Variants in GOLGA3 observed in about 807,000 individuals in gnomAD.
GOLGA3 encodes the protein golgin subfamily A member 3.
GOLGA3 carries 75 observed loss-of-function variants against 169.4 expected under a neutral mutation model. The observed-to-expected ratio is 0.44, with a 90% CI of 0.37 to 0.54. The LOEUF (loss-of-function observed/expected upper bound fraction) is 0.54. GOLGA3 is among the 20% of genes least tolerant of loss of function. The probability of loss-of-function intolerance (pLI) is 0.00; values close to 1 mark genes in which losing one functional copy is unlikely to be tolerated. For synonymous variants in GOLGA3, 824 were observed against 822.4 expected (o/e 1.00, Z -0.03); for missense variants, 1,899 against 1,930.0 (o/e 0.98, Z 0.30).
intron 18 of GOLGA3, among the ~76,000 whole-genome samples, chr12:132,779,995 C>T (rs1395626632): frequency 7.2e-6 from 1 of 138,118 alleles, no homozygotes; most frequent in Admixed American, 7.3e-5. Context: ...TGCACACACA[C>T]CCCAGGCACA....
chr12:132,811,476 A>ATTT (rs202026810), intron 4 of GOLGA3, among the ~76,000 whole-genome samples: 6 of 151,074 alleles, frequency 4.0e-5, no homozygotes, highest in Admixed American at 6.6e-5. Context: ...TCATACTTGC[A>ATTT]TTTTTATTTT....
In GOLGA3 at chr12:132,786,693, T is replaced by A. The variant is rs781496465; in HGVS notation, c.2906A>T (p.Lys969Met). The change falls in exon 14 of 24, where the codon AAG (lysine) becomes ATG (methionine). Residue 969 changes from lysine (K) to methionine (M), a missense_variant and splice_region_variant. Lys to Met is a moderately conservative substitution (Grantham distance 95). Transcript: ENST00000450791. ...CTCCCCCGGGCACATGCAGACTTAC[T>A]TCCGGGCCTCTTGCTGCAACTCTTC... is the stretch of plus-strand genomic sequence containing the variant. The part of the protein sequence containing the change: ...QIEELQQEAR[K>M]AITEQKQKMR... The A allele has an allele frequency of 3.3e-6, 5 of 1,536,686 alleles. No individual in the cohort carries two copies. In the African/African-American group the frequency reaches 7.5e-5, roughly 23 times the overall value.
rs750778392 is a variant in GOLGA3 at position 132,808,070 on chromosome 12, C to T, written c.999G>A (p.Ser333=). The change falls in exon 5 of 24, where the codon TCG becomes TCA. Residue 333 remains serine, a synonymous_variant. Coordinates refer to ENST00000450791, the MANE Select transcript of GOLGA3 (RefSeq NM_001389683.1). The stretch of plus-strand genomic sequence containing the variant: ...GGGTGTCCTGCGTGCCCACTGTCTT[C>T]GACAGAATGCCATAGGTCCCTCGGG... ...ASTRGTYGIL[S]KTVGTQDTPY... 5.0e-6 allele frequency: 8 copies of T among 1,597,596 alleles called. No individual in the cohort carries two copies. The highest frequency in any genetic ancestry group is 6.0e-6 in the Non-Finnish European group (7 of 1,170,618).
Position 132,804,939 on chromosome 12 carries a change from G to T in GOLGA3, c.1374C>A (p.Ser458Arg). Residue 458 changes from serine to arginine, a missense_variant, in exon 7 of 24, where the codon AGC becomes AGA. Coordinates refer to ENST00000450791, the MANE Select transcript of GOLGA3 (RefSeq NM_001389683.1). The surrounding 1 kb of genome is among the most constrained non-coding windows in gnomAD (Gnocchi z 4.1). ...TCAGCGAATCCTGCCGCTGCTGGCT[G>T]CTGTGGCTGCACTCCACCTGCGCCT... ...KLQAQVECSH[S>R]SQQRQDSLSS... The T allele has an allele frequency of 6.2e-7, 1 of 1,613,510 alleles. No individual in the cohort carries two copies. Among genetic ancestry groups the T allele is most frequent in the Non-Finnish European group, 8.5e-7 (1 of 1,179,976 alleles).
chr12:132,798,559 G>C (rs1948983992), intron 8 of GOLGA3, 82 bp from the exon 9 acceptor site: 2 of 1,325,446 alleles, frequency 1.5e-6, no homozygotes, highest in Non-Finnish European at 2.1e-6. Context: ...GAGGCCCCAG[G>C]GTGAGGGTCA....
rs926123803 is a variant in GOLGA3, at chr12:132,772,982, C to A, written c.*123G>T. ...TCTCATTCTGCTATATATTTTACTTCTTGTTAAAGGCAAAACAAAACTTAA... is the reference window on the plus strand; with the variant it reads ...TCTCATTCTGCTATATATTTTACTTATTGTTAAAGGCAAAACAAAACTTAA... On this transcript the variant is annotated 3_prime_UTR_variant, in exon 24 of 24. Transcript: ENST00000450791. 1.4e-6 allele frequency: 1 copy of A among 703,014 alleles called. No homozygotes were observed. The highest frequency in any genetic ancestry group is 2.6e-4 in the Middle Eastern group (1 of 3,888). The allele number at this position is 703,014 out of a possible 1,614,324, so 43.5% of individuals were successfully genotyped here. A position where few individuals can be genotyped will look rare whatever the true frequency, so the allele number is the denominator to read the frequency against.
intron 22 of GOLGA3, chr12:132,774,761 C>T (rs1337201989): frequency 4.5e-6 from 2 of 440,016 alleles, no homozygotes; most frequent in East Asian, 7.4e-5. Context: ...CGAGCGCTGC[C>T]CTCCCACCTG....
intron 1 of GOLGA3, among the ~76,000 whole-genome samples, chr12:132,824,310 G>A (rs985057909): frequency 1.3e-5 from 2 of 152,210 alleles, no homozygotes; most frequent in African/African-American, 4.8e-5. Context: ...GTGAGTATCT[G>A]CTCATAACTA....
chr12:132,778,260 G>A (rs1045392627), intron 18 of GOLGA3, among the ~76,000 whole-genome samples: 34 of 152,052 alleles, frequency 2.2e-4, no homozygotes, highest in Admixed American at 3.3e-4. Flanking sequence ...TGGGGTGACA[G>A]AGTGAGACCC....
chr12:132,802,014 G>A lies in GOLGA3; in HGVS notation c.1598-45C>T, dbSNP rs369549380. On this transcript the variant is annotated intron_variant, in intron 7 of 23. Coordinates refer to ENST00000450791, the MANE Select transcript of GOLGA3 (RefSeq NM_001389683.1). ...GCGGCTCAGGCCAGCGACGGCCAAC[G>A]GGGGAGTCCGCAGCTCCGCGCGTGC... 2.5e-4 allele frequency: 371 copies of A among 1,512,118 alleles called. 1 individual carries two copies. Among genetic ancestry groups the A allele is most frequent in the Admixed American group, 4.3e-4 (25 of 57,736 alleles). The allele number at this position is 1,512,118 out of a possible 1,614,324, so 93.7% of individuals were successfully genotyped here. A position where few individuals can be genotyped will look rare whatever the true frequency, so the allele number is the denominator to read the frequency against.
chr12:132,775,624 C>T (rs1429618704), intron 21 of GOLGA3, among the ~76,000 whole-genome samples: 1 of 152,188 alleles, frequency 6.6e-6, no homozygotes, highest in Non-Finnish European at 1.5e-5. Flanking sequence ...CACAGGGTCT[C>T]ACTCTGTCAT....
chr12:132,825,931 G>A (rs1246300946), intron 1 of GOLGA3: 2 of 952,934 alleles, frequency 2.1e-6, no homozygotes, highest in Non-Finnish European at 3.5e-6. Context: ...CTGGCGTGGT[G>A]ACCAAGATGA....
At chr12:132,818,814 A>C (rs1950095152) in intron 2 of GOLGA3, among the ~76,000 whole-genome samples, 1 of 152,118 alleles carries the variant, frequency 6.6e-6, no homozygotes, top group Non-Finnish European at 1.5e-5. Flanking sequence ...CGTGAAGCAG[A>C]GACAGCCCAG....
At chr12:132,788,941 C>CCCGCCCCAGACACAGGCT in intron 13 of GOLGA3, 86 bp downstream of exon 13, 1 of 1,131,646 alleles carries the variant, frequency 8.8e-7, no homozygotes, top group African/African-American at 1.6e-5. Context: ...AGACACAGGC[C>CCCGCCCCAGACACAGGCT]CCGCCCCAGA....
rs749968275 is a variant in GOLGA3 at position 132,796,524 on chromosome 12, G to A, written c.2100+15C>T. 1.2e-6 allele frequency: 2 copies of A among 1,603,978 alleles called. No individual in the cohort carries two copies. Among genetic ancestry groups the A allele is most frequent in the Non-Finnish European group, 8.5e-7 (1 of 1,177,946 alleles). On this transcript the variant is annotated intron_variant, in intron 10 of 23. Coordinates refer to ENST00000450791, the MANE Select transcript of GOLGA3 (RefSeq NM_001389683.1). ...CTGGGGCCTGGGTCCAGCCTGAAGG[G>A]CTGCAGGGACTTACCTGCTCCAGCT... is the stretch of plus-strand genomic sequence containing the variant.
In GOLGA3 at chr12:132,782,585, C is replaced by A. The variant is rs370034025; in HGVS notation, c.3268-92G>T. 9 of 1,062,908 alleles carry A rather than the reference C, an allele frequency of 8.5e-6. No individual in the cohort carries two copies. In the Admixed American group the frequency reaches 1.6e-4, roughly 18 times the overall value. The allele number at this position is 1,062,908 out of a possible 1,614,324, so 65.8% of individuals were successfully genotyped here. ...CAGGTGAGTTTTCAACAAGAAACAGCGAAAACTTAGGCCAGGCGCAGAGGC... is the reference window on the plus strand; with the variant it reads ...CAGGTGAGTTTTCAACAAGAAACAGAGAAAACTTAGGCCAGGCGCAGAGGC... On this transcript the variant is annotated intron_variant, in intron 16 of 23. Coordinates refer to ENST00000450791, the MANE Select transcript of GOLGA3 (RefSeq NM_001389683.1).
chr12:132,776,793 A>T, intron 20 of GOLGA3, 37 bp from the exon 21 acceptor site: 2 of 1,609,848 alleles, frequency 1.2e-6, no homozygotes, highest in Non-Finnish European at 1.7e-6. Flanking sequence ...AAAGAATATT[A>T]AAGTGGCTTT....
At chr12:132,818,056 G>A (rs1239450100) in intron 2 of GOLGA3, among the ~76,000 whole-genome samples, 1 of 123,204 alleles carries the variant, frequency 8.1e-6, no homozygotes, top group Non-Finnish European at 1.7e-5. Flanking sequence ...ACACCTGTAC[G>A]CTCTAACGTG....
rs1300885718 is a variant in GOLGA3 at position 132,805,121 on chromosome 12, C to T, written c.1291-99G>A. 8.2e-6 allele frequency: 11 copies of T among 1,348,752 alleles called. No individual in the cohort carries two copies. The South Asian group carries it at 8.5e-5, about 10-fold the overall frequency. The allele number at this position is 1,348,752 out of a possible 1,614,324, so 83.5% of individuals were successfully genotyped here. On this transcript the variant is annotated intron_variant, in intron 6 of 23. Transcript: ENST00000450791. ...AACCAGCGAGTCAGTCAGGGCCTGA[C>T]AGGGGACCCCGAGACCCCCAGGCGC...
Sources: gnomAD v4.1 joint callset for allele counts (sites outside exome capture counted in the v4.1 genomes callset) on GRCh38, gnomAD v4.1.1 for gene constraint, Gnocchi (gnomAD v3.1) non-coding constraint, MANE v1.5 for transcripts, NCBI Gene and HGNC (gene_info 2026-07-23, HGNC 2026-07-21) for gene names.